The following FAM185A variants were observed in gnomAD, a reference collection of about 807,000 sequenced individuals.
The protein encoded by FAM185A is family with sequence similarity 185 member A, also known as protein FAM185A.
In FAM185A, 21 loss-of-function variants were observed where a neutral mutation model predicts 45.7. The observed-to-expected ratio is 0.46, with a 90% CI of 0.33 to 0.66. FAM185A has a LOEUF of 0.66. Among genes scored for constraint, FAM185A ranks in the 30% least tolerant of loss-of-function variants. The probability of loss-of-function intolerance (pLI) is 0.03; values close to 1 mark genes in which losing one functional copy is unlikely to be tolerated. For synonymous variants in FAM185A, 117 were observed against 194.0 expected (o/e 0.60, Z 3.30); for missense variants, 305 against 485.4 (o/e 0.63, Z 3.49).
rs776926629 is a variant in FAM185A, at chr7:102,749,300, C to T, written c.93C>T (p.Cys31=). 3.1e-4 allele frequency: 487 copies of T among 1,549,774 alleles called. No homozygotes were observed. Among genetic ancestry groups the T allele is most frequent in the Non-Finnish European group, 4.0e-4 (453 of 1,146,782 alleles). ...GGGCTGGCGCTGGGCGCTGGGCTTGCTGGGCTTGCCAAGCCAGGCCGTACA... is the reference window on the plus strand; with the variant it reads ...GGGCTGGCGCTGGGCGCTGGGCTTGTTGGGCTTGCCAAGCCAGGCCGTACA... ...RLWAGAGRWA[C]WACQARPYSS... is the part of the protein sequence containing the mutation. The change falls in exon 1 of 8, where the codon TGC becomes TGT. Residue 31 remains cysteine, a synonymous_variant. Transcript: ENST00000413034.
downstream of FAM185A, among the ~76,000 whole-genome samples, chr7:102,810,899 T>A (rs116774575): frequency 0.012 from 1,894 of 152,350 alleles, 47 homozygotes; most frequent in African/African-American, 0.044. Flanking sequence ...TTTCATTAAT[T>A]TTCCATTTCT....
the FAM185A span, among the ~76,000 whole-genome samples, chr7:102,834,102 G>GAA: frequency 1.1e-4 from 11 of 102,034 alleles, no homozygotes; most frequent in African/African-American, 4.6e-4. Flanking sequence ...AAGAAAGAAA[G>GAA]AAAGAAAGAA....
chr7:102,831,285 C>A, the FAM185A span, among the ~76,000 whole-genome samples: 108 of 152,190 alleles, frequency 7.1e-4, no homozygotes, highest in African/African-American at 2.4e-3. Context: ...TTTTGGCCCT[C>A]ACCTCCACCA....
intron 7 of FAM185A, among the ~76,000 whole-genome samples, chr7:102,804,551 T>C (rs1796993622): frequency 6.6e-6 from 1 of 152,254 alleles, no homozygotes; most frequent in Non-Finnish European, 1.5e-5. Flanking sequence ...ATTAAAGACT[T>C]AAATCTAAGA....
chr7:102,835,228 C>G, the FAM185A span, among the ~76,000 whole-genome samples: 1 of 152,136 alleles, frequency 6.6e-6, no homozygotes, highest in African/African-American at 2.4e-5. Context: ...GCATGAAAGT[C>G]TGTCTTGTCT....
intron 5 of FAM185A, among the ~76,000 whole-genome samples, chr7:102,774,218 G>T (rs1270407313): frequency 6.6e-6 from 1 of 152,156 alleles, no homozygotes; most frequent in Non-Finnish European, 1.5e-5. Flanking sequence ...AAATGAGACA[G>T]TTTTTAAGAC....
At chr7:102,847,611 C>CT in the FAM185A span, among the ~76,000 whole-genome samples, 2 of 151,924 alleles carry the variant, frequency 1.3e-5, no homozygotes, top group Non-Finnish European at 2.9e-5. Context: ...ACTGCAACCT[C>CT]TGCCTCCTGG....
At chr7:102,820,142 T>C in the FAM185A span, among the ~76,000 whole-genome samples, 3 of 152,222 alleles carry the variant, frequency 2.0e-5, no homozygotes, top group African/African-American at 2.4e-5. Flanking sequence ...AAAGATGGAA[T>C]CGAGGGATTC....
chr7:102,778,493 TTACA>T, intron 6 of FAM185A, among the ~76,000 whole-genome samples: 1 of 152,224 alleles, frequency 6.6e-6, no homozygotes, highest in Non-Finnish European at 1.5e-5. Flanking sequence ...TAAGCAGCTG[TTACA>T]TACAAATAAT....
intron 2 of FAM185A, chr7:102,754,948 G>A (rs1793611186): frequency 5.9e-6 from 1 of 168,114 alleles, no homozygotes; most frequent in Non-Finnish European, 1.2e-5. Context: ...ACATTTTTTG[G>A]GGAATTAGAT....
the FAM185A span, among the ~76,000 whole-genome samples, chr7:102,849,465 C>G: frequency 6.6e-6 from 1 of 152,136 alleles, no homozygotes; most frequent in Non-Finnish European, 1.5e-5. Context: ...AAAATTTATT[C>G]ATTTTTCTCA....
chr7:102,813,967 C>G (rs537855342), downstream of FAM185A, among the ~76,000 whole-genome samples: 1 of 152,226 alleles, frequency 6.6e-6, no homozygotes, highest in South Asian at 2.1e-4. Flanking sequence ...CATGGATGAA[C>G]TTCAGGGAGG....
the FAM185A span, among the ~76,000 whole-genome samples, chr7:102,830,736 T>C: frequency 6.6e-6 from 1 of 152,136 alleles, no homozygotes; most frequent in Non-Finnish European, 1.5e-5. Flanking sequence ...TGAGAGTTGG[T>C]GTGATGCTGT....
At chr7:102,803,462 C>CATTAGA (rs1796917361) in intron 7 of FAM185A, among the ~76,000 whole-genome samples, 1 of 152,122 alleles carries the variant, frequency 6.6e-6, no homozygotes, top group South Asian at 2.1e-4. Flanking sequence ...GCAGAAAAAG[C>CATTAGA]ATTAGACAAA....
chr7:102,785,319 GA>G (rs1562866725), intron 6 of FAM185A, among the ~76,000 whole-genome samples: 1 of 150,180 alleles, frequency 6.7e-6, no homozygotes, highest in African/African-American at 2.5e-5. Flanking sequence ...CACAGAATTG[GA>G]AAAAACTACT....
intron 2 of FAM185A, 30 bp downstream of exon 2, chr7:102,751,831 A>G: frequency 7.7e-6 from 11 of 1,421,668 alleles, no homozygotes; most frequent in Non-Finnish European, 1.0e-5. Context: ...TTATTTCACT[A>G]TTATTTTTTT....
chr7:102,819,479 T>C, the FAM185A span, among the ~76,000 whole-genome samples: 1 of 152,098 alleles, frequency 6.6e-6, no homozygotes, highest in Non-Finnish European at 1.5e-5. Flanking sequence ...TCAGAAAGGG[T>C]GAGCTGAGCA....
intron 2 of FAM185A, chr7:102,755,086 G>C (rs550653983): frequency 1.0e-4 from 39 of 378,292 alleles, no homozygotes; most frequent in Non-Finnish European, 1.8e-4. Context: ...GTAAGTTCAT[G>C]TGAGCTTGGT....
intron 7 of FAM185A, among the ~76,000 whole-genome samples, chr7:102,797,794 A>C (rs1796523241): frequency 6.6e-6 from 1 of 152,232 alleles, no homozygotes; most frequent in Admixed American, 6.5e-5. Context: ...TTAATCTGCT[A>C]TTATTAATAA....
Sources: allele counts gnomAD v4.1 joint callset (sites outside exome capture counted in the v4.1 genomes callset), GRCh38; gene constraint gnomAD v4.1.1; transcripts MANE v1.5; gene names NCBI Gene and HGNC (gene_info 2026-07-23, HGNC 2026-07-21).